DLGAP1: variants seen among roughly 807,000 people sequenced by gnomAD.
DLGAP1 encodes the protein DLG associated protein 1, also known as disks large-associated protein 1.
In DLGAP1, 11 loss-of-function variants were observed where a neutral mutation model predicts 90.8. The ratio of observed to expected loss-of-function variants is 0.12; its 90% CI spans 0.08 to 0.20. The LOEUF is 0.20. DLGAP1 is among the 10% of genes least tolerant of loss of function. The pLI, the probability that DLGAP1 is intolerant of heterozygous loss-of-function variation, is 1.00. For missense variants in DLGAP1, 1,050 were observed against 1,333.8 expected (o/e 0.79, Z 3.31); for synonymous variants, 558 against 540.7 (o/e 1.03, Z -0.44).
intron 3 of DLGAP1, among the ~76,000 whole-genome samples, chr18:3,883,468 A>G (rs184520032): frequency 1.3e-5 from 2 of 152,322 alleles, no homozygotes; most frequent in Admixed American, 1.3e-4. Flanking sequence ...TAATGATGAA[A>G]GGTTTTAATC....
intron 1 of DLGAP1, among the ~76,000 whole-genome samples, chr18:4,420,140 A>G (rs1264258323): frequency 2.0e-5 from 3 of 152,238 alleles, no homozygotes; most frequent in Non-Finnish European, 4.4e-5. Flanking sequence ...CTCTAAGAAG[A>G]CATAACAATT....
At chr18:3,928,417 C>A (rs2072441403) in intron 3 of DLGAP1, among the ~76,000 whole-genome samples, 1 of 151,958 alleles carries the variant, frequency 6.6e-6, no homozygotes, top group South Asian at 2.1e-4. Flanking sequence ...TCTAAAGATG[C>A]AAGAAAGGGG....
intron 2 of DLGAP1, among the ~76,000 whole-genome samples, chr18:4,033,879 C>G (rs916856977): frequency 1.3e-5 from 2 of 150,976 alleles, no homozygotes; most frequent in African/African-American, 4.9e-5. Context: ...GCCGGGACTA[C>G]AGGTGCGTGC....
At chr18:3,750,451 G>A (rs2147798061) in intron 5 of DLGAP1, among the ~76,000 whole-genome samples, 1 of 152,254 alleles carries the variant, frequency 6.6e-6, no homozygotes, top group African/African-American at 2.4e-5. Flanking sequence ...TGTCCTTTTG[G>A]TAGAAGGATT....
At chr18:4,215,033 A>T (rs1031261033) in intron 1 of DLGAP1, among the ~76,000 whole-genome samples, 1 of 152,176 alleles carries the variant, frequency 6.6e-6, no homozygotes, top group African/African-American at 2.4e-5. Flanking sequence ...GAAAGCTGAG[A>T]TTTATTTTAC....
At chr18:4,007,519 G>C (rs2074327436) in intron 2 of DLGAP1, among the ~76,000 whole-genome samples, 1 of 152,040 alleles carries the variant, frequency 6.6e-6, no homozygotes, top group Non-Finnish European at 1.5e-5. Flanking sequence ...AGCCGGGCGT[G>C]GTGGCTGGCA....
chr18:4,335,498 T>C (rs2081050164), intron 1 of DLGAP1, among the ~76,000 whole-genome samples: 1 of 151,854 alleles, frequency 6.6e-6, no homozygotes, highest in Non-Finnish European at 1.5e-5. Flanking sequence ...TTATCAGGAC[T>C]TGAATTTTTA....
chr18:4,080,361 G>A (rs1317215829), intron 2 of DLGAP1, among the ~76,000 whole-genome samples: 1 of 150,388 alleles, frequency 6.6e-6, no homozygotes, highest in Admixed American at 6.6e-5. Flanking sequence ...AAATGAGCAG[G>A]ACCTTTTAGA....
intron 1 of DLGAP1, among the ~76,000 whole-genome samples, chr18:4,396,584 G>C (rs2082447131): frequency 6.6e-6 from 1 of 152,082 alleles, no homozygotes; most frequent in Non-Finnish European, 1.5e-5. Flanking sequence ...CTGGGTATTG[G>C]CGCTCTCTGA....
At chr18:4,409,016 A>G (rs1598375157) in intron 1 of DLGAP1, among the ~76,000 whole-genome samples, 1 of 152,078 alleles carries the variant, frequency 6.6e-6, no homozygotes, top group East Asian at 1.9e-4. Context: ...ATTTTGTAGA[A>G]GCCAAAAAAT....
intron 1 of DLGAP1, among the ~76,000 whole-genome samples, chr18:4,264,176 A>G (rs1157748933): frequency 2.6e-5 from 4 of 152,214 alleles, no homozygotes; most frequent in Non-Finnish European, 5.9e-5. Context: ...TTGGAGCCAC[A>G]GAAATCCTTG....
intron 5 of DLGAP1, among the ~76,000 whole-genome samples, chr18:3,789,424 G>A (rs1407137173): frequency 1.3e-5 from 2 of 152,196 alleles, no homozygotes; most frequent in East Asian, 1.9e-4. Context: ...ACGGAAGGCC[G>A]GGGCCGAAGA....
intron 7 of DLGAP1, among the ~76,000 whole-genome samples, chr18:3,643,769 T>G (rs1035301148): frequency 2.0e-5 from 3 of 148,380 alleles, no homozygotes; most frequent in Non-Finnish European, 3.0e-5. Flanking sequence ...ATAATAAGAG[T>G]ATTACAAATG....
At chr18:4,348,449 C>T (rs1166011368) in intron 1 of DLGAP1, among the ~76,000 whole-genome samples, 1 of 107,152 alleles carries the variant, frequency 9.3e-6, no homozygotes, top group African/African-American at 3.9e-5. Context: ...TGTGTACAAA[C>T]TGACATAAAG....
rs538369172 is a variant in DLGAP1 at position 4,076,240 on chromosome 18, T to C, written c.-158-71039A>G. 8.5e-5 allele frequency among the ~76,000 whole-genome samples: 13 copies of C among 152,352 alleles called. No individual in the cohort carries two copies. In the East Asian group the frequency reaches 2.3e-3, roughly 27 times the overall value. On this transcript the variant is annotated intron_variant, in intron 2 of 12. Transcript: ENST00000315677. The stretch of plus-strand genomic sequence containing the variant: ...AATTATATGCCATGGAAAGAGCTTA[T>C]TGTAGCAAGTACATTTGATTAAATC...
intron 6 of DLGAP1, among the ~76,000 whole-genome samples, chr18:3,738,658 A>C (rs949389056): frequency 4.0e-5 from 6 of 151,542 alleles, no homozygotes; most frequent in Admixed American, 2.6e-4. Flanking sequence ...GTTAGACCTA[A>C]AACCATAAAA....
intron 1 of DLGAP1, among the ~76,000 whole-genome samples, chr18:4,415,695 TA>T (rs1486040325): frequency 6.6e-6 from 1 of 152,190 alleles, no homozygotes; most frequent in African/African-American, 2.4e-5. Flanking sequence ...CTCTGTCACT[TA>T]CTAGCTTTAT....
intron 1 of DLGAP1, among the ~76,000 whole-genome samples, chr18:4,449,528 T>C (rs2083764375): frequency 6.6e-6 from 1 of 152,198 alleles, no homozygotes; most frequent in African/African-American, 2.4e-5. Context: ...GCACTAAGAA[T>C]ACAGATGTGC....
chr18:3,648,358 G>A (rs1190481815), intron 7 of DLGAP1, among the ~76,000 whole-genome samples: 1 of 152,212 alleles, frequency 6.6e-6, no homozygotes, highest in Admixed American at 6.5e-5. Flanking sequence ...ATTTACGCAT[G>A]TAAAGCATCT....
Sources: allele counts gnomAD v4.1 joint callset (sites outside exome capture counted in the v4.1 genomes callset), GRCh38; gene constraint gnomAD v4.1.1; transcripts MANE v1.5; gene names NCBI Gene and HGNC (gene_info 2026-07-23, HGNC 2026-07-21).